TTC27: variants seen among roughly 807,000 people sequenced by gnomAD.
TTC27 encodes tetratricopeptide repeat protein 27.
In TTC27, 79 loss-of-function variants were observed where a neutral mutation model predicts 115.9. That is an observed-to-expected ratio of 0.68 (90% confidence interval 0.57 to 0.82). The LOEUF (loss-of-function observed/expected upper bound fraction) is 0.82. Ranked by LOEUF, TTC27 falls within the 40% of genes least tolerant of loss-of-function variation. The pLI is 0.00. For synonymous variants in TTC27, 401 were observed against 356.0 expected (o/e 1.13, Z -1.42); for missense variants, 1,054 against 993.1 (o/e 1.06, Z -0.82).
intron 1 of TTC27, among the ~76,000 whole-genome samples, chr2:32,628,739 C>CTATTTATTTATT (rs35823725): frequency 9.0e-5 from 13 of 144,994 alleles, no homozygotes; most frequent in African/African-American, 2.1e-4. Flanking sequence ...TTTATTTTAT[C>CTATTTATTTATT]TATTTATTTA....
chr2:32,687,297 A>T (rs886692370), intron 9 of TTC27, among the ~76,000 whole-genome samples: 1 of 152,224 alleles, frequency 6.6e-6, no homozygotes, highest in African/African-American at 2.4e-5. Context: ...ATTATTCTAG[A>T]GCAACCACTT....
intron 9 of TTC27, among the ~76,000 whole-genome samples, chr2:32,679,190 T>A (rs1461669387): frequency 6.6e-6 from 1 of 152,176 alleles, no homozygotes; most frequent in African/African-American, 2.4e-5. Flanking sequence ...TAAAAAGATG[T>A]CAAGAGCATG....
chr2:32,737,526 C>T (rs989968272), intron 12 of TTC27, among the ~76,000 whole-genome samples: 20 of 152,092 alleles, frequency 1.3e-4, no homozygotes, highest in African/African-American at 4.6e-4. Context: ...CAACCTTTTG[C>T]CATCACCCTA....
intron 12 of TTC27, among the ~76,000 whole-genome samples, chr2:32,741,775 A>T (rs1668657420): frequency 6.6e-6 from 1 of 152,182 alleles, no homozygotes; most frequent in African/African-American, 2.4e-5. Flanking sequence ...GTAAGTGATC[A>T]CTCAATAGTT....
chr2:32,735,725 T>G (rs1014562225), intron 11 of TTC27, among the ~76,000 whole-genome samples: 1 of 152,194 alleles, frequency 6.6e-6, no homozygotes, highest in Admixed American at 6.5e-5. Context: ...ATGAAGATAT[T>G]GTACTGCTCA....
At chr2:32,705,621 G>A (rs1667342367) in intron 10 of TTC27, among the ~76,000 whole-genome samples, 1 of 152,096 alleles carries the variant, frequency 6.6e-6, no homozygotes, top group Non-Finnish European at 1.5e-5. Context: ...TGTGATCATT[G>A]CTCTCTGCAG....
At chr2:32,724,051 T>G (rs2151911232) in intron 10 of TTC27, among the ~76,000 whole-genome samples, 1 of 150,874 alleles carries the variant, frequency 6.6e-6, no homozygotes, top group Middle Eastern at 3.4e-3. Flanking sequence ...AATAAATATT[T>G]GTTATTCTTT....
intron 10 of TTC27, among the ~76,000 whole-genome samples, chr2:32,714,152 C>T (rs1199020192): frequency 3.4e-5 from 5 of 146,274 alleles, no homozygotes; most frequent in Non-Finnish European, 6.0e-5. Flanking sequence ...AGCGCACCCC[C>T]GCCCCCCCGC....
At chr2:32,678,648 T>C (rs1242858286) in intron 8 of TTC27, among the ~76,000 whole-genome samples, 4 of 152,036 alleles carry the variant, frequency 2.6e-5, no homozygotes, top group Non-Finnish European at 5.9e-5. Flanking sequence ...AGGATGGTCT[T>C]GATCTCCTGA....
At chr2:32,663,671 TG>T (rs879629822) in intron 5 of TTC27, among the ~76,000 whole-genome samples, 396 of 151,580 alleles carry the variant, frequency 2.6e-3, no homozygotes, top group Middle Eastern at 3.4e-3. Context: ...TATGTATGTA[TG>T]TATGTATGTA....
intron 9 of TTC27, among the ~76,000 whole-genome samples, chr2:32,700,116 A>G (rs1667134046): frequency 6.6e-6 from 1 of 152,206 alleles, no homozygotes; most frequent in Admixed American, 6.5e-5. Context: ...TTTTCTGTTA[A>G]GGGTGAGTGT....
At chr2:32,733,705 C>T (rs745326981) in intron 10 of TTC27, 123 bp from the exon 11 acceptor site, 163 of 530,018 alleles carry the variant, frequency 3.1e-4, no homozygotes, top group Admixed American at 2.6e-3. Context: ...CATCCTATCA[C>T]CTTATCAAAA....
At position 32,649,300 on chromosome 2, in the gene TTC27, G is replaced by T. The variant is rs1208004503; in HGVS notation, c.538-831G>T. Among the ~76,000 whole-genome samples, 3 of 151,652 alleles carry T rather than the reference G, an allele frequency of 2.0e-5. No homozygotes were observed. The East Asian group carries it at 5.8e-4, about 29-fold the overall frequency. On this transcript the variant is annotated intron_variant, in intron 4 of 19. Transcript: ENST00000317907. The stretch of plus-strand genomic sequence containing the variant: ...TATGTAAAATACATTGCTTTGAGGA[G>T]GATATAGAGATGAATAAGACATGAT...
At chr2:32,664,548 T>C in intron 6 of TTC27, 81 bp downstream of exon 6, 2 of 1,255,962 alleles carry the variant, frequency 1.6e-6, no homozygotes, top group Non-Finnish European at 1.1e-6. Flanking sequence ...TGTATGTTGG[T>C]ATTAGATTTT....
chr2:32,815,874 C>G (rs1248119802), intron 18 of TTC27, among the ~76,000 whole-genome samples: 1 of 152,152 alleles, frequency 6.6e-6, no homozygotes, highest in East Asian at 1.9e-4. Context: ...TGAGAAATGT[C>G]AAAGTCTAAT....
chr2:32,743,735 T>G (rs1457087742), intron 12 of TTC27, among the ~76,000 whole-genome samples: 1 of 152,190 alleles, frequency 6.6e-6, no homozygotes, highest in Admixed American at 6.5e-5. Flanking sequence ...TCTCATCATT[T>G]GGTTAGAAGG....
At chr2:32,764,020 A>G (rs1387521353) in intron 13 of TTC27, among the ~76,000 whole-genome samples, 1 of 152,228 alleles carries the variant, frequency 6.6e-6, no homozygotes, top group African/African-American at 2.4e-5. Flanking sequence ...GTAAAAACCA[A>G]AGAAATTACT....
chr2:32,779,105 C>G (rs902168182), intron 14 of TTC27, among the ~76,000 whole-genome samples: 2 of 152,114 alleles, frequency 1.3e-5, no homozygotes, highest in Non-Finnish European at 2.9e-5. Flanking sequence ...ATGCCGTGGT[C>G]CCAGCTACTC....
At chr2:32,661,235 T>A (rs887404585) in intron 5 of TTC27, among the ~76,000 whole-genome samples, 4 of 152,200 alleles carry the variant, frequency 2.6e-5, no homozygotes, top group Non-Finnish European at 4.4e-5. Flanking sequence ...TTGCTTAGGA[T>A]TGTCTTGGCT....
Sources: allele counts gnomAD v4.1 joint callset (sites outside exome capture counted in the v4.1 genomes callset), GRCh38; gene constraint gnomAD v4.1.1; transcripts MANE v1.5; gene names NCBI Gene and HGNC (gene_info 2026-07-23, HGNC 2026-07-21).